The following KLHDC4 variants were observed in gnomAD, a reference collection of about 807,000 sequenced individuals.
KLHDC4 encodes kelch domain containing 4.
KLHDC4 carries 90 observed loss-of-function variants against 62.4 expected under a neutral mutation model. The observed-to-expected ratio is 1.44, with a 90% CI of 1.22 to 1.72. KLHDC4 has a LOEUF of 1.72. Ranked by LOEUF, KLHDC4 falls within the 40% of genes most tolerant of loss-of-function variation. KLHDC4 has a pLI of 0.00. For missense variants in KLHDC4, 1,025 were observed against 699.7 expected (o/e 1.47, Z -5.25); for synonymous variants, 386 against 284.4 (o/e 1.36, Z -3.59).
At chr16:87,737,106 C>CAAAAAAAAAAAAAAAAAA (rs55787836) in intron 5 of KLHDC4, among the ~76,000 whole-genome samples, 1 of 64,826 alleles carries the variant, frequency 1.5e-5, no homozygotes, top group Non-Finnish European at 2.8e-5. Flanking sequence ...GCCTGGGCGA[C>CAAAAAAAAAAAAAAAAAA]AAAAAAAAAA....
chr16:87,755,294 T>G lies in KLHDC4; in HGVS notation c.271-2A>C. 1 of 1,542,676 alleles carries G rather than the reference T, an allele frequency of 6.5e-7. No homozygotes were observed. The highest frequency in any genetic ancestry group is 2.2e-5 in the East Asian group (1 of 44,446). ...ATAGAGCTCGTTATACAAAAAAGTC[T>G]ACAGGAAGGAAGAAGAATGTCAGTG... On this transcript the variant is annotated splice_acceptor_variant, in intron 3 of 11. Transcript: ENST00000270583. LOFTEE classifies it high-confidence loss of function.
chr16:87,755,057 A>G (rs2044645258), intron 4 of KLHDC4, 137 bp downstream of exon 4: 3 of 570,762 alleles, frequency 5.3e-6, no homozygotes, highest in East Asian at 3.1e-5. Context: ...AATCCAAGTG[A>G]GCAAACAGCA....
At chr16:87,740,301 G>A (rs926156337) in intron 5 of KLHDC4, among the ~76,000 whole-genome samples, 5 of 152,216 alleles carry the variant, frequency 3.3e-5, no homozygotes, top group South Asian at 4.2e-4. Flanking sequence ...TGTGCATCCC[G>A]AGGGGACCAC....
chr16:87,723,421 T>C (rs1935016060), intron 7 of KLHDC4, among the ~76,000 whole-genome samples: 1 of 152,240 alleles, frequency 6.6e-6, no homozygotes, highest in African/African-American at 2.4e-5. Context: ...GCGACTCTGA[T>C]GAAAGCGATA....
chr16:87,716,333 A>G (rs148998682), intron 7 of KLHDC4, among the ~76,000 whole-genome samples: 3,591 of 152,002 alleles, frequency 0.024, 144 homozygotes, highest in African/African-American at 0.083. Context: ...TCTTGTGGAT[A>G]TTGACGTAGA....
intron 5 of KLHDC4, among the ~76,000 whole-genome samples, chr16:87,732,954 G>C: frequency 7.9e-6 from 1 of 126,196 alleles, no homozygotes; most frequent in African/African-American, 3.0e-5. Flanking sequence ...TAGGTGAAAA[G>C]GCAGGTGCAA....
At position 87,717,427 on chromosome 16, in the gene KLHDC4, T is replaced by C. The variant is rs548490161; in HGVS notation, c.760-2854A>G. 3.9e-5 allele frequency among the ~76,000 whole-genome samples: 6 copies of C among 152,262 alleles called. No homozygotes were observed. In the East Asian group the frequency reaches 5.8e-4, roughly 15 times the overall value. ...CTTTTGAAACATGCAAATGATCCACTGTCCACAGAGACTTCATATTTCCAC... is the reference window on the plus strand; with the variant it reads ...CTTTTGAAACATGCAAATGATCCACCGTCCACAGAGACTTCATATTTCCAC... On this transcript the variant is annotated intron_variant, in intron 7 of 11. Coordinates refer to ENST00000270583, the MANE Select transcript of KLHDC4 (RefSeq NM_017566.4).
At chr16:87,740,600 C>T (rs369625451) in intron 5 of KLHDC4, 8 of 152,364 alleles carry the variant, frequency 5.3e-5, no homozygotes, top group African/African-American at 1.9e-4. Context: ...AAGGAAAATG[C>T]TCTGCAAACA....
At chr16:87,713,102 G>A (rs962271685) in intron 8 of KLHDC4, among the ~76,000 whole-genome samples, 2 of 152,258 alleles carry the variant, frequency 1.3e-5, no homozygotes, top group Non-Finnish European at 2.9e-5. Flanking sequence ...CACGATCTCA[G>A]CTGACGGCAG....
chr16:87,745,652 G>T (rs2042928994), intron 5 of KLHDC4, among the ~76,000 whole-genome samples: 1 of 152,300 alleles, frequency 6.6e-6, no homozygotes, highest in African/African-American at 2.4e-5. Context: ...CAAGAGAAGC[G>T]TTCACTCGCA....
chr16:87,712,562 C>T (rs1245528378), intron 8 of KLHDC4, among the ~76,000 whole-genome samples: 1 of 152,248 alleles, frequency 6.6e-6, no homozygotes, highest in Non-Finnish European at 1.5e-5. Flanking sequence ...CTGCGGGAAA[C>T]AGTCCAGCAT....
chr16:87,711,885 C>T (rs1003324089), intron 8 of KLHDC4, among the ~76,000 whole-genome samples: 1 of 134,182 alleles, frequency 7.5e-6, no homozygotes, highest in African/African-American at 3.8e-5. Context: ...CCACCCTGCA[C>T]GGGGAACCTT....
intron 4 of KLHDC4, among the ~76,000 whole-genome samples, chr16:87,749,568 AAAAG>A (rs1160818483): frequency 1.1e-4 from 17 of 151,720 alleles, no homozygotes; most frequent in African/African-American, 3.6e-4. Context: ...AAAAAAAAAA[AAAAG>A]AAAGAAAGTG....
chr16:87,765,567 G>A lies in KLHDC4; in HGVS notation c.99+225C>T, dbSNP rs536002772. Among the ~76,000 whole-genome samples, 67 of 152,228 alleles carry A rather than the reference G, an allele frequency of 4.4e-4. 1 individual carries two copies. Among genetic ancestry groups the A allele is most frequent in the South Asian group, 3.7e-3 (18 of 4,822 alleles). ...CACTAAGAAAAGCAAGCACGTTAAA[G>A]GGGGCAGCTCCGAGAAGCGGACAGA... On this transcript the variant is annotated intron_variant, in intron 1 of 11. Coordinates refer to ENST00000270583, the MANE Select transcript of KLHDC4 (RefSeq NM_017566.4).
In KLHDC4 at chr16:87,708,070, G is replaced by T. The variant is rs1209953278; in HGVS notation, c.*7C>A. On this transcript the variant is annotated 3_prime_UTR_variant, in exon 12 of 12. Transcript: ENST00000270583. ...CACTTGCCAGGCGCCCCTGGCAGGG[G>T]CTCTTCTGATACGCAAGGAGGAAGG... The T allele has an allele frequency of 7.0e-6, 4 of 571,112 alleles. No homozygotes were observed. The highest frequency in any genetic ancestry group is 1.3e-5 in the Non-Finnish European group (4 of 301,602). 35.4% of individuals were successfully genotyped at this position (571,112 alleles called of 1,614,324 possible).
chr16:87,706,967 A>G (rs1459399339), downstream of KLHDC4, among the ~76,000 whole-genome samples: 2 of 152,126 alleles, frequency 1.3e-5, no homozygotes, highest in African/African-American at 4.8e-5. Context: ...GCCAGGAGGG[A>G]AGTCTCCCCA....
At position 87,723,508 on chromosome 16, in the gene KLHDC4, G is replaced by A. The variant is rs59738474; in HGVS notation, c.759+3257C>T. On this transcript the variant is annotated intron_variant, in intron 7 of 11. Coordinates refer to ENST00000270583, the MANE Select transcript of KLHDC4 (RefSeq NM_017566.4). ...TGCTGGGAGAAAGCACTAGACCGGG[G>A]CATCCTGCCTGGCTTTCAGCCAAGT... 1.3e-3 allele frequency among the ~76,000 whole-genome samples: 197 copies of A among 152,378 alleles called. 5 individuals are homozygous for A. The East Asian group carries it at 0.03, about 23-fold the overall frequency.
intron 1 of KLHDC4, among the ~76,000 whole-genome samples, chr16:87,763,333 T>C (rs1232904381): frequency 6.6e-6 from 1 of 152,254 alleles, no homozygotes; most frequent in East Asian, 1.9e-4. Flanking sequence ...CTGGGCACAG[T>C]GGCTCACGCC....
At position 87,745,789 on chromosome 16, in the gene KLHDC4, G is replaced by C. The variant is rs969081412; in HGVS notation, c.506+2884C>G. ...ACCCCGAGCTGACTACAGGGTGGGA[G>C]AGAATGCGGAAAGGGACACGGACAT... On this transcript the variant is annotated intron_variant, in intron 5 of 11. Coordinates refer to ENST00000270583, the MANE Select transcript of KLHDC4 (RefSeq NM_017566.4). Among the ~76,000 whole-genome samples the C allele has an allele frequency of 9.2e-5, 14 of 152,330 alleles. No homozygotes were observed. The East Asian group carries it at 1.9e-3, about 21-fold the overall frequency.
Sources: allele counts gnomAD v4.1 joint callset (sites outside exome capture counted in the v4.1 genomes callset), GRCh38; gene constraint gnomAD v4.1.1; transcripts MANE v1.5; gene names NCBI Gene and HGNC (gene_info 2026-07-23, HGNC 2026-07-21).